Variants in TXNRD2 observed in about 807,000 individuals in gnomAD.
TXNRD2 encodes thioredoxin reductase 2, mitochondrial.
A neutral mutation model predicts 70.8 loss-of-function variants in TXNRD2; 67 were observed. The observed-to-expected ratio is 0.95, with a 90% CI of 0.78 to 1.16. TXNRD2 has a LOEUF of 1.16. Ranked by LOEUF, TXNRD2 falls within the 50% of genes most tolerant of loss-of-function variation. The pLI is 0.00. For missense variants in TXNRD2, 644 were observed against 719.9 expected (o/e 0.89, Z 1.21); for synonymous variants, 301 against 295.8 (o/e 1.02, Z -0.18).
chr22:19,876,983 C>G, intron 17 of TXNRD2, 57 bp downstream of exon 17: 1 of 1,297,262 alleles, frequency 7.7e-7, no homozygotes, highest in East Asian at 2.6e-5. Flanking sequence ...ATGGCCAGGG[C>G]TCCTGCACCC....
Position 19,913,908 on chromosome 22 carries a change from T to C in TXNRD2, c.591+1306A>G, listed in dbSNP as rs150590696. On this transcript the variant is annotated intron_variant, in intron 7 of 17. Coordinates refer to ENST00000400521, the MANE Select transcript of TXNRD2 (RefSeq NM_006440.5). ...CTCCATGCAGTTCTTAGCTGACCAC[T>C]AAGCTAACCAAGTAAAGACTTCAGT... Among the ~76,000 whole-genome samples, 1,416 of 152,278 alleles carry C rather than the reference T, an allele frequency of 9.3e-3. 28 individuals are homozygous for C. The highest frequency in any genetic ancestry group is 0.032 in the African/African-American group (1,346 of 41,540).
intron 9 of TXNRD2, among the ~76,000 whole-genome samples, chr22:19,898,372 C>T (rs971321666): frequency 7.2e-5 from 11 of 152,212 alleles, no homozygotes; most frequent in East Asian, 3.9e-4. Context: ...CTGTCCATCC[C>T]GGCTCCAGGG....
At chr22:19,911,598 G>T (rs1940414786) in intron 7 of TXNRD2, 151 bp from the exon 8 acceptor site, 1 of 714,080 alleles carries the variant, frequency 1.4e-6, no homozygotes, top group Non-Finnish European at 2.5e-6. Context: ...TTGTCTGCAG[G>T]CTGTGGCCTC....
In TXNRD2 at chr22:19,883,460, A is replaced by C; in HGVS notation, c.951T>G (p.Gly317=). The C allele has an allele frequency of 1.2e-6, 2 of 1,614,028 alleles. No individual in the cohort carries two copies. The highest frequency in any genetic ancestry group is 1.7e-6 in the Non-Finnish European group (2 of 1,180,020). The change falls in exon 12 of 18, where the codon GGT becomes GGG. Residue 317 remains glycine (G), a splice_region_variant and synonymous_variant. Transcript: ENST00000400521. ...TCAGACTTCTGGTGTCTGGGACTCG[A>C]CCTGAAGGAAACAGAGAGGGGGCTG... ...GTFDTVLWAI[G]RVPDTRSLNL...
At position 19,898,044 on chromosome 22, in the gene TXNRD2, C is replaced by G. The variant is rs1479345231; in HGVS notation, c.769G>C (p.Asp257His). Reference sequence around the variant, plus strand: ...GCTGGGGCCTCCAGCACTACCTGGTCGAAGCCGCGGAGGGGGATGCTGCGC... The same window carrying G: ...GCTGGGGCCTCCAGCACTACCTGGTGGAAGCCGCGGAGGGGGATGCTGCGC... ...MMRSIPLRGFDQQMSSMVIEH... is the reference protein window; with the variant it reads ...MMRSIPLRGFHQQMSSMVIEH... Residue 257 changes from aspartate (D) to histidine (H), a missense_variant, in exon 10 of 18, where the codon GAC becomes CAC. Asp to His is a moderately conservative substitution (Grantham distance 81, BLOSUM62 -1). Transcript: ENST00000400521. 1.3e-6 allele frequency: 2 copies of G among 1,554,666 alleles called. No homozygotes were observed. Among genetic ancestry groups the G allele is most frequent in the Non-Finnish European group, 1.7e-6 (2 of 1,149,822 alleles).
chr22:19,921,707 A>C (rs1253567013), intron 2 of TXNRD2, among the ~76,000 whole-genome samples: 2 of 152,192 alleles, frequency 1.3e-5, no homozygotes, highest in Non-Finnish European at 2.9e-5. Flanking sequence ...AGGCAGCCAG[A>C]GGTCATGCAC....
intron 8 of TXNRD2, among the ~76,000 whole-genome samples, chr22:19,902,229 C>T (rs993436255): frequency 9.9e-5 from 15 of 152,194 alleles, no homozygotes; most frequent in African/African-American, 3.6e-4. Context: ...TCCATGTGAT[C>T]CCAGCAGCTC....
intron 8 of TXNRD2, among the ~76,000 whole-genome samples, chr22:19,910,707 A>G (rs1408382875): frequency 1.3e-5 from 2 of 152,154 alleles, no homozygotes; most frequent in Non-Finnish European, 2.9e-5. Flanking sequence ...CCTGGGCTCA[A>G]GCAATCCTCC....
Position 19,878,429 on chromosome 22 carries a change from G to T in TXNRD2, c.1284C>A (p.His428Gln). 6.2e-7 allele frequency: 1 copy of T among 1,613,614 alleles called. No homozygotes were observed. The highest frequency in any genetic ancestry group is 1.1e-5 in the South Asian group (1 of 91,092). ...TGAACTCCAGTGGTTTATAATGGGC[G>T]TGATAGACCTGAGGACAGGATACCA... The part of the protein sequence containing the change: ...RHGQEHVEVY[H>Q]AHYKPLEFTV... Residue 428 changes from histidine (H) to glutamine (Q), a missense_variant, in exon 15 of 18, where the codon CAC (histidine) becomes CAA (glutamine). Coordinates refer to ENST00000400521, the MANE Select transcript of TXNRD2 (RefSeq NM_006440.5).
In TXNRD2 at chr22:19,895,451, C is replaced by T. The variant is rs757519340; in HGVS notation, c.905G>A (p.Gly302Asp). The change falls in exon 11 of 18, where the codon GGC (glycine) becomes GAC (aspartate). Residue 302 changes from glycine to aspartate, a missense_variant. Physicochemically the swap from Gly to Asp is moderately conservative, Grantham distance 94 (BLOSUM62 -1). This residue lies in a region of TXNRD2 where 566 missense variants were observed against 645.0 expected (regional missense o/e 0.88). Transcript: ENST00000400521. ...LQVTWEDSTT[G>D]KEDTGTFDTV... The stretch of plus-strand genomic sequence containing the variant: ...GTCAAAGGTGCCCGTGTCCTCCTTG[C>T]CGGTGGTGCTGTCCTCCCAGGTGAC... The T allele has an allele frequency of 6.8e-6, 11 of 1,613,854 alleles. No individual in the cohort carries two copies. In the African/African-American group the frequency reaches 1.2e-4, roughly 18 times the overall value.
Position 19,880,649 on chromosome 22 carries a change from C to CCCG in TXNRD2, c.1152_1154dup (p.Gly385dup), listed in dbSNP as rs778924013. 2 of 1,613,452 alleles carry CCCG rather than the reference C, an allele frequency of 1.2e-6. No individual in the cohort carries two copies. Among genetic ancestry groups the CCCG allele is most frequent in the Non-Finnish European group, 1.7e-6 (2 of 1,180,016 alleles). On this transcript the variant is annotated inframe_insertion, in exon 13 of 18. Transcript: ENST00000400521. ...TGTCGTAGTCCATCAGATCTGAGGACCCGCCGAAGAGCCGCTGCACCAGGA... is the reference window on the plus strand; with the variant it reads ...TGTCGTAGTCCATCAGATCTGAGGACCCGCCGCCGAAGAGCCGCTGCACCAGGA...
chr22:19,924,081 G>A (rs760848222), intron 2 of TXNRD2, among the ~76,000 whole-genome samples: 18 of 151,442 alleles, frequency 1.2e-4, no homozygotes, highest in South Asian at 2.1e-4. Context: ...GCTTGCTTAC[G>A]CCTTGACCTC....
In TXNRD2 at chr22:19,883,376, G is replaced by T; in HGVS notation, c.1035C>A (p.Ser345=). Residue 345 remains serine (S), a synonymous_variant, in exon 12 of 18, where the codon TCC becomes TCA. Transcript: ENST00000400521. ...SPDTQKILVD[S]REATSVPHIY... ...TGTGGGGCACAGAGGTGGCTTCCCG[G>T]GAGTCCACCAGGATCTTCTGAGTGT... is the stretch of plus-strand genomic sequence containing the variant. The T allele has an allele frequency of 6.2e-7, 1 of 1,614,032 alleles. No individual in the cohort carries two copies. Among genetic ancestry groups the T allele is most frequent in the South Asian group, 1.1e-5 (1 of 91,078 alleles).
At chr22:19,876,994 C>T in intron 17 of TXNRD2, 46 bp downstream of exon 17, 1 of 1,385,282 alleles carries the variant, frequency 7.2e-7, no homozygotes, top group Non-Finnish European at 9.6e-7. Flanking sequence ...TCCTGCACCC[C>T]TGCCACATGC....
intron 8 of TXNRD2, among the ~76,000 whole-genome samples, chr22:19,909,586 C>CACCACACACACAT (rs1940238184): frequency 6.8e-6 from 1 of 146,620 alleles, no homozygotes; most frequent in South Asian, 2.3e-4. Flanking sequence ...CACACACACA[C>CACCACACACACAT]ACCACACACA....
Position 19,899,061 on chromosome 22 carries a change from C to A in TXNRD2, c.670G>T (p.Val224Phe), listed in dbSNP as rs754609974. The A allele has an allele frequency of 6.2e-6, 10 of 1,607,086 alleles. No individual in the cohort carries two copies. Among genetic ancestry groups the A allele is most frequent in the South Asian group, 1.1e-5 (1 of 91,086 alleles). ...TTGCAAAGGATACAGCTGGCCCCGA[C>A]CACCAACCTGTTAGAGAAACAGAGA... Reference protein sequence around the residue: ...LKESPGKTLVVGASYVALECA... With the variant: ...LKESPGKTLVFGASYVALECA... The change falls in exon 9 of 18, where the codon GTC becomes TTC. Residue 224 changes from valine (V) to phenylalanine (F), a missense_variant. Physicochemically the swap from Val to Phe is conservative, Grantham distance 50. Transcript: ENST00000400521.
rs1940802083 is a variant in TXNRD2 at position 19,919,512 on chromosome 22, G to A, written c.229+31C>T. On this transcript the variant is annotated intron_variant, in intron 3 of 17. Coordinates refer to ENST00000400521, the MANE Select transcript of TXNRD2 (RefSeq NM_006440.5). The stretch of plus-strand genomic sequence containing the variant: ...GGCCCACCTCCCACCTCCTTCCCCA[G>A]GACACCCGGCTCCCATAGGGTGCTG... 2.6e-6 allele frequency: 4 copies of A among 1,552,428 alleles called. No homozygotes were observed. The African/African-American group carries it at 4.1e-5, about 16-fold the overall frequency.
At chr22:19,938,973 CA>C (rs1307717661) in intron 1 of TXNRD2, among the ~76,000 whole-genome samples, 1 of 152,192 alleles carries the variant, frequency 6.6e-6, no homozygotes, top group East Asian at 1.9e-4. Context: ...ATTATACAGG[CA>C]AAAAATTCTC....
intron 1 of TXNRD2, chr22:19,932,211 A>G (rs1336263173): frequency 7.2e-7 from 1 of 1,397,578 alleles, no homozygotes; most frequent in East Asian, 2.3e-5. Context: ...CCTGTCCCTC[A>G]CAGCTGGCCA....
Sources: gnomAD v4.1 joint callset for allele counts (sites outside exome capture counted in the v4.1 genomes callset) on GRCh38, gnomAD v4.1.1 for gene constraint, gnomAD v4.1.1 regional missense constraint, MANE v1.5 for transcripts, NCBI Gene and HGNC (gene_info 2026-07-23, HGNC 2026-07-21) for gene names.